STXBP5L: variants seen among roughly 807,000 people sequenced by gnomAD.
STXBP5L encodes syntaxin-binding protein 5-like.
STXBP5L carries 65 observed loss-of-function variants against 144.5 expected under a neutral mutation model. The observed-to-expected ratio is 0.45, with a 90% CI of 0.37 to 0.55. The LOEUF (loss-of-function observed/expected upper bound fraction) is 0.55. Among genes scored for constraint, STXBP5L ranks in the 20% least tolerant of loss-of-function variants. The pLI is 0.00. For missense variants in STXBP5L, 1,298 were observed against 1,405.5 expected (o/e 0.92, Z 1.22); for synonymous variants, 505 against 469.6 (o/e 1.08, Z -0.97).
intron 2 of STXBP5L, among the ~76,000 whole-genome samples, chr3:120,954,295 A>G (rs371345924): frequency 2.6e-5 from 4 of 152,280 alleles, no homozygotes; most frequent in African/African-American, 9.6e-5. Flanking sequence ...TAACTAATGT[A>G]TATGCTTGTG....
intron 22 of STXBP5L, among the ~76,000 whole-genome samples, chr3:121,406,290 TA>T (rs1255783151): frequency 2.0e-5 from 3 of 152,230 alleles, no homozygotes; most frequent in African/African-American, 7.2e-5. Context: ...TGATAAATTT[TA>T]AGGACTTTGT....
chr3:121,288,928 A>G (rs892799384), intron 19 of STXBP5L, among the ~76,000 whole-genome samples: 1 of 152,132 alleles, frequency 6.6e-6, no homozygotes, highest in African/African-American at 2.4e-5. Context: ...CCTATGTCAC[A>G]TGGACAAAAA....
At chr3:121,241,049 C>G (rs1265332427) in intron 14 of STXBP5L, among the ~76,000 whole-genome samples, 1 of 152,012 alleles carries the variant, frequency 6.6e-6, no homozygotes, top group East Asian at 1.9e-4. Context: ...TCCTATTCTT[C>G]CCACTAAACA....
chr3:120,972,401 T>C (rs570948273), intron 3 of STXBP5L, among the ~76,000 whole-genome samples: 2 of 152,264 alleles, frequency 1.3e-5, no homozygotes, highest in East Asian at 3.9e-4. Flanking sequence ...ATGGTTTTGA[T>C]TTTTATACAA....
At chr3:121,397,555 AATG>A (rs2046761903) in intron 22 of STXBP5L, among the ~76,000 whole-genome samples, 1 of 152,182 alleles carries the variant, frequency 6.6e-6, no homozygotes, top group Non-Finnish European at 1.5e-5. Flanking sequence ...CGCCATCAAG[AATG>A]ATATCCTAAT....
chr3:121,305,902 C>T (rs929796477), intron 19 of STXBP5L, among the ~76,000 whole-genome samples: 2 of 152,006 alleles, frequency 1.3e-5, no homozygotes, highest in African/African-American at 2.4e-5. Flanking sequence ...AAGGAAACTA[C>T]AAAAATAATA....
chr3:121,410,187 G>A (rs1276680309), intron 23 of STXBP5L, among the ~76,000 whole-genome samples: 1 of 151,598 alleles, frequency 6.6e-6, no homozygotes, highest in Non-Finnish European at 1.5e-5. Flanking sequence ...ATTTGGGGGG[G>A]AAAAAAGGTC....
intron 20 of STXBP5L, among the ~76,000 whole-genome samples, chr3:121,358,544 C>G (rs1055486297): frequency 4.6e-5 from 7 of 152,040 alleles, no homozygotes; most frequent in Non-Finnish European, 8.8e-5. Context: ...TGAGGCAGCA[C>G]TAGGGGGATT....
chr3:121,120,779 C>T (rs1429864771), intron 6 of STXBP5L, among the ~76,000 whole-genome samples: 2 of 151,096 alleles, frequency 1.3e-5, no homozygotes, highest in African/African-American at 4.8e-5. Flanking sequence ...TTCATGTGTG[C>T]TTAAGAAAGA....
At chr3:121,182,882 C>T (rs1009139396) in intron 9 of STXBP5L, among the ~76,000 whole-genome samples, 1 of 152,038 alleles carries the variant, frequency 6.6e-6, no homozygotes. Context: ...GACCAATATC[C>T]CTGATGAACA....
intron 10 of STXBP5L, among the ~76,000 whole-genome samples, chr3:121,209,035 G>A (rs570994502): frequency 7.2e-5 from 11 of 151,894 alleles, no homozygotes; most frequent in Admixed American, 2.6e-4. Flanking sequence ...TTTCTGTTCC[G>A]GTGTTAGTTT....
At chr3:120,933,373 A>G (rs1415747102) in intron 2 of STXBP5L, among the ~76,000 whole-genome samples, 2 of 152,086 alleles carry the variant, frequency 1.3e-5, no homozygotes, top group East Asian at 1.9e-4. Context: ...TATCTGGCCA[A>G]CATCACTGCA....
At chr3:121,039,586 G>A (rs1947001474) in intron 3 of STXBP5L, among the ~76,000 whole-genome samples, 1 of 150,256 alleles carries the variant, frequency 6.7e-6, no homozygotes, top group Non-Finnish European at 1.5e-5. Context: ...TTTCCCTTTT[G>A]CCTGAAGACC....
At position 121,421,310 on chromosome 3, in the gene STXBP5L, A is replaced by AT. The variant is rs1311825889; in HGVS notation, c.*2216dup. 1 of 152,180 alleles carries AT rather than the reference A, an allele frequency of 6.6e-6. No homozygotes were observed. The highest frequency in any genetic ancestry group is 1.5e-5 in the Non-Finnish European group (1 of 68,026). 9.4% of individuals were successfully genotyped at this position (152,180 alleles called of 1,614,324 possible). The stretch of plus-strand genomic sequence containing the variant: ...GAGTATTTCTGAAGCCTTCAATAAG[A>AT]TTTAACTTGTTTTAACTTGATCTAC... On this transcript the variant is annotated 3_prime_UTR_variant, in exon 27 of 27. Transcript: ENST00000471454.
intron 7 of STXBP5L, among the ~76,000 whole-genome samples, chr3:121,146,080 G>A (rs894797007): frequency 6.6e-6 from 1 of 151,924 alleles, no homozygotes; most frequent in African/African-American, 2.4e-5. Flanking sequence ...TGGTTCTCAG[G>A]CCTTCAAACA....
intron 12 of STXBP5L, among the ~76,000 whole-genome samples, chr3:121,236,044 C>T (rs935245817): frequency 1.3e-5 from 2 of 152,162 alleles, no homozygotes; most frequent in Non-Finnish European, 2.9e-5. Flanking sequence ...CCTCCTAGTA[C>T]AGTGCCTTGT....
intron 5 of STXBP5L, among the ~76,000 whole-genome samples, chr3:121,098,132 A>G (rs1233705962): frequency 1.3e-5 from 2 of 152,194 alleles, no homozygotes; most frequent in East Asian, 1.9e-4. Context: ...TATATTATCT[A>G]ATATCTTGAT....
At chr3:121,140,386 G>A (rs2045445696) in intron 7 of STXBP5L, among the ~76,000 whole-genome samples, 1 of 152,052 alleles carries the variant, frequency 6.6e-6, no homozygotes. Context: ...CCACTACTTG[G>A]TATATAACTA....
At chr3:121,343,735 A>C (rs1293355728) in intron 20 of STXBP5L, among the ~76,000 whole-genome samples, 1 of 152,184 alleles carries the variant, frequency 6.6e-6, no homozygotes, top group Non-Finnish European at 1.5e-5. Context: ...ATCACTGCTC[A>C]AGGAAATAAA....
Sources: allele counts gnomAD v4.1 joint callset (sites outside exome capture counted in the v4.1 genomes callset), GRCh38; gene constraint gnomAD v4.1.1; transcripts MANE v1.5; gene names NCBI Gene and HGNC (gene_info 2026-07-23, HGNC 2026-07-21).